SCAP: variants seen among roughly 807,000 people sequenced by gnomAD.
SCAP encodes sterol regulatory element-binding protein cleavage-activating protein.
A neutral mutation model predicts 123.6 loss-of-function variants in SCAP; 65 were observed. The ratio of observed to expected loss-of-function variants is 0.53; its 90% CI spans 0.43 to 0.65. The LOEUF is 0.65. Among genes scored for constraint, SCAP ranks in the 30% least tolerant of loss-of-function variants. The pLI, the probability that SCAP is intolerant of heterozygous loss-of-function variation, is 0.00. For missense variants in SCAP, 1,398 were observed against 1,712.5 expected (o/e 0.82, Z 3.24); for synonymous variants, 740 against 726.3 (o/e 1.02, Z -0.30).
intron 3 of SCAP, among the ~76,000 whole-genome samples, chr3:47,433,349 C>T (rs548288835): frequency 1.4e-4 from 21 of 152,274 alleles, no homozygotes; most frequent in African/African-American, 3.4e-4. Context: ...AGGGGATGAG[C>T]GCTCCAATCA....
intron 2 of SCAP, among the ~76,000 whole-genome samples, chr3:47,438,888 T>C (rs1576284365): frequency 6.6e-6 from 1 of 152,094 alleles, no homozygotes; most frequent in South Asian, 2.1e-4. Context: ...TAGTCAGTTT[T>C]TGTTCTATGT....
intron 9 of SCAP, among the ~76,000 whole-genome samples, chr3:47,423,413 C>T (rs1295951492): frequency 6.6e-6 from 1 of 152,222 alleles, no homozygotes; most frequent in Non-Finnish European, 1.5e-5. Flanking sequence ...GACAGAAAGC[C>T]ACCACCAAAC....
In SCAP at chr3:47,451,143, G is replaced by A. The variant is rs76221276; in HGVS notation, c.-98-8052C>T. On this transcript the variant is annotated intron_variant, in intron 1 of 22. Coordinates refer to ENST00000265565, the MANE Select transcript of SCAP (RefSeq NM_012235.4). ...GTTGGGATTACAGACATGAGCCACC[G>A]TGCAAGACTATTTTAAATAAACTTT... 1.2e-3 allele frequency among the ~76,000 whole-genome samples: 149 copies of A among 121,556 alleles called. 46 individuals are homozygous for A. The East Asian group carries it at 0.04, about 32-fold the overall frequency. 79.7% of individuals were successfully genotyped at this position (121,556 alleles called of 152,430 possible).
intron 1 of SCAP, among the ~76,000 whole-genome samples, chr3:47,470,780 G>C (rs1014441032): frequency 2.0e-5 from 3 of 152,092 alleles, no homozygotes; most frequent in African/African-American, 7.2e-5. Context: ...AGAGTCGCTT[G>C]AACCCAGGGG....
chr3:47,463,175 C>A (rs1465469638), intron 1 of SCAP, among the ~76,000 whole-genome samples: 1 of 152,162 alleles, frequency 6.6e-6, no homozygotes, highest in Non-Finnish European at 1.5e-5. Flanking sequence ...GTTTATTCCT[C>A]CGGCGGAAAG....
At chr3:47,418,877 G>A (rs1230254907) in intron 13 of SCAP, 34 bp from the exon 14 acceptor site, 2 of 1,479,556 alleles carry the variant, frequency 1.4e-6, no homozygotes, top group African/African-American at 2.8e-5. Context: ...TCAGCGGGGG[G>A]CCTCCCAGGG....
chr3:47,423,745 C>T (rs557885880), intron 9 of SCAP, among the ~76,000 whole-genome samples, 188 bp downstream of exon 9: 1 of 152,310 alleles, frequency 6.6e-6, no homozygotes, highest in African/African-American at 2.4e-5. Flanking sequence ...AGTCCAATGG[C>T]CCCATGGCTC....
In SCAP at chr3:47,425,795, C is replaced by CAGGAAGGGGCTGAAAGT. The variant is rs543382417; in HGVS notation, c.910+185_911-185dup. 2.0e-3 allele frequency among the ~76,000 whole-genome samples: 301 copies of CAGGAAGGGGCTGAAAGT among 152,344 alleles called. 3 individuals are homozygous for CAGGAAGGGGCTGAAAGT. The highest frequency in any genetic ancestry group is 6.6e-3 in the African/African-American group (274 of 41,580). ...AGTACACCTTTTAGGAACCCTAACC[C>CAGGAAGGGGCTGAAAGT]AGGAAGGGGCTGAAAGTGGGAAGAG... On this transcript the variant is annotated intron_variant, in intron 7 of 22. Transcript: ENST00000265565.
chr3:47,457,733 C>T (rs897321030), intron 1 of SCAP, among the ~76,000 whole-genome samples: 1 of 151,600 alleles, frequency 6.6e-6, no homozygotes, highest in Admixed American at 6.6e-5. Flanking sequence ...TAGTGAAACC[C>T]CGTCTCTACT....
At chr3:47,421,208 C>T (rs1033083908) in intron 10 of SCAP, 179 bp from the exon 11 acceptor site, 7 of 632,570 alleles carry the variant, frequency 1.1e-5, no homozygotes, top group Non-Finnish European at 1.7e-5. Context: ...CTCACCCCGT[C>T]TCCACCAGGG....
Position 47,420,885 on chromosome 3 carries a change from G to T in SCAP, c.1344+46C>A. ...TCTCACCCAGGACTCCCTCAGTACA[G>T]CCAGGGCTGAGGAGGCGGGCAGGGC... On this transcript the variant is annotated intron_variant, in intron 11 of 22. Coordinates refer to ENST00000265565, the MANE Select transcript of SCAP (RefSeq NM_012235.4). The surrounding 1 kb of genome is among the most constrained non-coding windows in gnomAD (Gnocchi z 5.0). The T allele has an allele frequency of 6.3e-7, 1 of 1,593,566 alleles. No individual in the cohort carries two copies. Among genetic ancestry groups the T allele is most frequent in the Non-Finnish European group, 8.6e-7 (1 of 1,161,922 alleles).
rs1404415485 is a variant in SCAP at position 47,419,436 on chromosome 3, G to A, written c.1832C>T (p.Pro611Leu). Residue 611 changes from proline (P) to leucine (L), a missense_variant, in exon 13 of 23, where the codon CCA (proline) becomes CTA (leucine). Transcript: ENST00000265565. The surrounding 1 kb of genome is among the most constrained non-coding windows in gnomAD (Gnocchi z 5.0). ...AGGCCCCCAGGTTACCTCTGGGACT[G>A]GGCTGTCATGGACAACCTCTGCTGG... Reference protein sequence around the residue: ...GGPAEVVHDSPVPEVTWGPED... With the variant: ...GGPAEVVHDSLVPEVTWGPED... The A allele has an allele frequency of 4.3e-6, 7 of 1,613,828 alleles. No homozygotes were observed. The highest frequency in any genetic ancestry group is 1.3e-5 in the African/African-American group (1 of 74,916).
chr3:47,455,094 T>A (rs11709190), intron 1 of SCAP, among the ~76,000 whole-genome samples: 216 of 87,372 alleles, frequency 2.5e-3, no homozygotes, highest in African/African-American at 8.6e-3. Context: ...TATATATATA[T>A]AATCAACTGA....
chr3:47,463,561 G>A (rs1049935051), intron 1 of SCAP, among the ~76,000 whole-genome samples: 3 of 152,094 alleles, frequency 2.0e-5, no homozygotes, highest in Non-Finnish European at 2.9e-5. Context: ...AATTAGCTGG[G>A]TGTGGTAGTG....
intron 1 of SCAP, among the ~76,000 whole-genome samples, chr3:47,471,481 A>G (rs545761227): frequency 6.6e-6 from 1 of 152,246 alleles, no homozygotes; most frequent in African/African-American, 2.4e-5. Context: ...AAACATCAAC[A>G]TAGTTCTAGT....
In SCAP at chr3:47,420,606, A is replaced by G; in HGVS notation, c.1511T>C (p.Leu504Pro). Residue 504 changes from leucine (L) to proline (P), a missense_variant, in exon 12 of 23, where the codon CTG (leucine) becomes CCG (proline). Transcript: ENST00000265565. The surrounding 1 kb of genome is among the most constrained non-coding windows in gnomAD (Gnocchi z 5.0). ...GCGGGCCAGGAAGTAGACAACACGC[A>G]GCCTCTTGGGGAGCCGCAGGTTTCG... ...SFRNLRLPKR[L>P]RVVYFLARTR... is the part of the protein sequence containing the mutation. The G allele has an allele frequency of 6.2e-7, 1 of 1,611,958 alleles. No individual in the cohort carries two copies. The highest frequency in any genetic ancestry group is 8.5e-7 in the Non-Finnish European group (1 of 1,179,796).
Position 47,414,662 on chromosome 3 carries a change from G to A in SCAP, c.3307-10C>T. The A allele has an allele frequency of 6.2e-7, 1 of 1,613,202 alleles. No homozygotes were observed. The highest frequency in any genetic ancestry group is 2.2e-5 in the East Asian group (1 of 44,884). On this transcript the variant is annotated splice_polypyrimidine_tract_variant and intron_variant, in intron 20 of 22. Transcript: ENST00000265565. Reference sequence around the variant, plus strand: ...CCTCCAGACGGAACACCTGGGACAGGGATGGGCCTCAGGTTCTGGTCTCTG... The same window carrying A: ...CCTCCAGACGGAACACCTGGGACAGAGATGGGCCTCAGGTTCTGGTCTCTG...
chr3:47,439,657 TG>T lies in SCAP; in HGVS notation c.122+3214del, dbSNP rs1159274005. ...GCTGGGCTGCTGCTGGGACATATCC[TG>T]GGCCCAGTGGTCTAACCTCCAAGAG... On this transcript the variant is annotated intron_variant, in intron 2 of 22. Transcript: ENST00000265565. The surrounding 1 kb of genome is among the most constrained non-coding windows in gnomAD (Gnocchi z 4.0). Among the ~76,000 whole-genome samples, 3 of 152,200 alleles carry T rather than the reference TG, an allele frequency of 2.0e-5. No individual in the cohort carries two copies. The highest frequency in any genetic ancestry group is 3.9e-4 in the East Asian group (2 of 5,188).
chr3:47,429,643 G>A (rs575504503), intron 3 of SCAP, among the ~76,000 whole-genome samples: 3 of 152,300 alleles, frequency 2.0e-5, no homozygotes, highest in East Asian at 1.9e-4. Context: ...TTTATTTTCT[G>A]TAGAGATGGG....
Sources: allele counts gnomAD v4.1 joint callset (sites outside exome capture counted in the v4.1 genomes callset), GRCh38; gene constraint gnomAD v4.1.1; non-coding constraint Gnocchi (gnomAD v3.1); transcripts MANE v1.5; gene names NCBI Gene and HGNC (gene_info 2026-07-23, HGNC 2026-07-21).